Variants in SDK1 observed in about 807,000 individuals in gnomAD.
The protein encoded by SDK1 is sidekick cell adhesion molecule 1.
SDK1 carries 157 observed loss-of-function variants against 245.5 expected under a neutral mutation model. The observed-to-expected ratio is 0.64, with a 90% CI of 0.56 to 0.73. The LOEUF is 0.73. Among genes scored for constraint, SDK1 ranks in the 30% least tolerant of loss-of-function variants. The probability of loss-of-function intolerance (pLI) is 0.00; values close to 1 mark genes in which losing one functional copy is unlikely to be tolerated. For missense variants in SDK1, 3,583 were observed against 3,002.3 expected (o/e 1.19, Z -4.52); for synonymous variants, 1,647 against 1,278.5 (o/e 1.29, Z -6.15).
chr7:3,497,782 C>G (rs1366408163), intron 1 of SDK1, among the ~76,000 whole-genome samples: 1 of 152,090 alleles, frequency 6.6e-6, no homozygotes, highest in African/African-American at 2.4e-5. Context: ...TTCTTTCTTC[C>G]CAAAATAAAA....
At chr7:3,874,586 G>A (rs1781029768) in intron 5 of SDK1, among the ~76,000 whole-genome samples, 3 of 152,138 alleles carry the variant, frequency 2.0e-5, no homozygotes, top group Admixed American at 1.3e-4. Flanking sequence ...TCCAGGGGTA[G>A]AACTCCTTCT....
intron 1 of SDK1, among the ~76,000 whole-genome samples, chr7:3,361,081 T>C (rs949574441): frequency 9.2e-5 from 14 of 152,218 alleles, no homozygotes; most frequent in African/African-American, 2.9e-4. Flanking sequence ...AAAAACCGTA[T>C]TGATCAAATC....
Position 4,129,985 on chromosome 7 carries a change from G to C in SDK1, c.4017G>C (p.Leu1339=). ...IVRGNHTQSA[L]LAGLRKFVLY... ...GAGGGAACCACACGCAGTCGGCCCT[G>C]CTGGCAGGCCTGCGCAAGTTCGTGC... The change falls in exon 27 of 45, where the codon CTG becomes CTC. Residue 1339 remains leucine (L), a synonymous_variant. Coordinates refer to ENST00000404826, the MANE Select transcript of SDK1 (RefSeq NM_152744.4). The C allele has an allele frequency of 1.9e-6, 3 of 1,613,784 alleles. No individual in the cohort carries two copies. The highest frequency in any genetic ancestry group is 1.7e-6 in the Non-Finnish European group (2 of 1,179,980).
chr7:4,221,261 T>A lies in SDK1; in HGVS notation c.5724T>A (p.Asp1908Glu). 3 of 1,613,758 alleles carry A rather than the reference T, an allele frequency of 1.9e-6. No homozygotes were observed. The highest frequency in any genetic ancestry group is 2.5e-6 in the Non-Finnish European group (3 of 1,179,972). The change falls in exon 40 of 45, where the codon GAT (aspartate) becomes GAA (glutamate). Residue 1908 changes from aspartate to glutamate, a missense_variant. Transcript: ENST00000404826. ...PAEGSPGSPR[D>E]VLVTKSASEL... is the part of the protein sequence containing the mutation. ...CAGGATCCCCGGGCTCGCCTAGAGA[T>A]GTCCTGGTCACCAAGTCCGCCTCTG...
intron 1 of SDK1, among the ~76,000 whole-genome samples, chr7:3,581,737 G>T (rs369864259): frequency 5.9e-5 from 9 of 152,294 alleles, no homozygotes; most frequent in African/African-American, 9.6e-5. Flanking sequence ...CAAAGACATG[G>T]AGTCAACCTA....
In SDK1 at chr7:4,267,076, G is replaced by A. The variant is rs1295764605; in HGVS notation, c.*1692G>A. The A allele has an allele frequency of 1.0e-6, 1 of 985,404 alleles. No individual in the cohort carries two copies. The highest frequency in any genetic ancestry group is 1.1e-4 in the East Asian group (1 of 8,822). The allele number at this position is 985,404 out of a possible 1,614,324, so 61.0% of individuals were successfully genotyped here. On this transcript the variant is annotated 3_prime_UTR_variant, in exon 45 of 45. Transcript: ENST00000404826. ...GATTCTGTGCTGTCAGCGTTGCTGAGTATGGCCCCAGGAGACCAAGGAGAG... is the reference window on the plus strand; with the variant it reads ...GATTCTGTGCTGTCAGCGTTGCTGAATATGGCCCCAGGAGACCAAGGAGAG...
intron 4 of SDK1, among the ~76,000 whole-genome samples, chr7:3,745,357 A>G (rs1779587310): frequency 6.6e-6 from 1 of 152,224 alleles, no homozygotes; most frequent in African/African-American, 2.4e-5. Context: ...TAGACTCACA[A>G]GAAGTTGTAA....
At chr7:4,155,457 G>C (rs1403944583) in intron 30 of SDK1, among the ~76,000 whole-genome samples, 4 of 152,228 alleles carry the variant, frequency 2.6e-5, no homozygotes, top group East Asian at 1.9e-4. Context: ...ACCCAGGCAG[G>C]ACAGTGGAGA....
At chr7:3,493,266 A>G (rs931251137) in intron 1 of SDK1, among the ~76,000 whole-genome samples, 13 of 152,124 alleles carry the variant, frequency 8.5e-5, no homozygotes, top group Admixed American at 3.3e-4. Flanking sequence ...GAAGATTTAG[A>G]TATATGTCTG....
intron 1 of SDK1, among the ~76,000 whole-genome samples, chr7:3,512,487 G>T (rs1289416993): frequency 6.6e-6 from 1 of 152,210 alleles, no homozygotes; most frequent in Admixed American, 6.5e-5. Flanking sequence ...ATACCAAGGA[G>T]TGTGGATCAT....
intron 23 of SDK1, among the ~76,000 whole-genome samples, chr7:4,111,830 A>C (rs771796396): frequency 6.6e-6 from 1 of 152,216 alleles, no homozygotes; most frequent in Non-Finnish European, 1.5e-5. Flanking sequence ...ATGTAAATTG[A>C]ATTCAAATAA....
intron 4 of SDK1, among the ~76,000 whole-genome samples, chr7:3,753,145 G>C (rs887398193): frequency 4.6e-5 from 7 of 152,022 alleles, no homozygotes; most frequent in African/African-American, 1.7e-4. Flanking sequence ...AATATTTTCA[G>C]GAATGGTCAT....
chr7:3,341,732 A>T (rs1780353452), intron 1 of SDK1, among the ~76,000 whole-genome samples: 1 of 152,234 alleles, frequency 6.6e-6, no homozygotes, highest in Non-Finnish European at 1.5e-5. Context: ...AAACTTCAAC[A>T]TGTGTAGGAT....
intron 1 of SDK1, among the ~76,000 whole-genome samples, chr7:3,572,865 G>A (rs1186819363): frequency 6.6e-6 from 1 of 152,050 alleles, no homozygotes; most frequent in Non-Finnish European, 1.5e-5. Flanking sequence ...CCTGAAGAAG[G>A]GAGGAAGAGA....
At chr7:3,499,484 G>A (rs1366824490) in intron 1 of SDK1, among the ~76,000 whole-genome samples, 1 of 152,172 alleles carries the variant, frequency 6.6e-6, no homozygotes, top group Non-Finnish European at 1.5e-5. Flanking sequence ...AACATTGCCA[G>A]TGTCTTAGAA....
At chr7:3,607,151 CT>C (rs555087966) in intron 1 of SDK1, among the ~76,000 whole-genome samples, 90 of 145,198 alleles carry the variant, frequency 6.2e-4, no homozygotes, top group Middle Eastern at 3.5e-3. Context: ...AAGGAAGGCC[CT>C]TTTTTTTTTT....
chr7:3,398,162 A>C (rs1778776194), intron 1 of SDK1, among the ~76,000 whole-genome samples: 1 of 152,018 alleles, frequency 6.6e-6, no homozygotes, highest in Non-Finnish European at 1.5e-5. Flanking sequence ...TGTAGGTTTC[A>C]CAGGCTTTAG....
At chr7:4,261,213 C>T (rs903623663) in intron 44 of SDK1, among the ~76,000 whole-genome samples, 1 of 152,114 alleles carries the variant, frequency 6.6e-6, no homozygotes, top group African/African-American at 2.4e-5. Context: ...CGGACGGTGT[C>T]GGCTCATGGA....
At chr7:3,654,204 C>G (rs919486139) in intron 4 of SDK1, among the ~76,000 whole-genome samples, 2 of 152,140 alleles carry the variant, frequency 1.3e-5, no homozygotes, top group Admixed American at 6.5e-5. Flanking sequence ...TTTGTAAAAT[C>G]TAGAAAGTTC....
Sources: gnomAD v4.1 joint callset for allele counts (sites outside exome capture counted in the v4.1 genomes callset) on GRCh38, gnomAD v4.1.1 for gene constraint, MANE v1.5 for transcripts, NCBI Gene and HGNC (gene_info 2026-07-23, HGNC 2026-07-21) for gene names.